The following MVB12B variants were observed in gnomAD, a reference collection of about 807,000 sequenced individuals.
MVB12B encodes the protein multivesicular body subunit 12B.
A neutral mutation model predicts 41.6 loss-of-function variants in MVB12B; 16 were observed. That is an observed-to-expected ratio of 0.38 (90% CI 0.26 to 0.58). MVB12B has a LOEUF of 0.58. Among genes scored for constraint, MVB12B ranks in the 20% least tolerant of loss-of-function variants. The pLI is 0.62. For synonymous variants in MVB12B, 133 were observed against 139.7 expected (o/e 0.95, Z 0.34); for missense variants, 274 against 380.2 (o/e 0.72, Z 2.32).
At chr9:126,451,257 A>G (rs569479881) in intron 7 of MVB12B, among the ~76,000 whole-genome samples, 21 of 152,354 alleles carry the variant, frequency 1.4e-4, no homozygotes, top group Non-Finnish European at 1.2e-4. Flanking sequence ...AGCCTCATTC[A>G]AGAATTGCAG....
At chr9:126,336,172 A>C (rs904864202) in intron 1 of MVB12B, among the ~76,000 whole-genome samples, 2 of 152,218 alleles carry the variant, frequency 1.3e-5, no homozygotes, top group African/African-American at 4.8e-5. Context: ...TGGTGGAGAG[A>C]GGTCTGAGCT....
At chr9:126,492,193 A>G (rs1005004273) in intron 9 of MVB12B, among the ~76,000 whole-genome samples, 7 of 146,670 alleles carry the variant, frequency 4.8e-5, no homozygotes, top group South Asian at 2.3e-4. Flanking sequence ...ACTATCTAGT[A>G]TGTCTTACAC....
At chr9:126,347,248 G>T (rs1340259135) in intron 2 of MVB12B, among the ~76,000 whole-genome samples, 1 of 152,222 alleles carries the variant, frequency 6.6e-6, no homozygotes, top group Non-Finnish European at 1.5e-5. Flanking sequence ...TTTAGCCCTT[G>T]CCCTGTCCTG....
At chr9:126,328,628 G>A (rs1292688837) in intron 1 of MVB12B, among the ~76,000 whole-genome samples, 1 of 152,182 alleles carries the variant, frequency 6.6e-6, no homozygotes, top group African/African-American at 2.4e-5. Context: ...ATGGCGTGAT[G>A]TAAATGAAAT....
intron 6 of MVB12B, among the ~76,000 whole-genome samples, chr9:126,405,456 T>G (rs1831392539): frequency 6.6e-6 from 1 of 152,088 alleles, no homozygotes; most frequent in African/African-American, 2.4e-5. Context: ...ACCAGACCAT[T>G]TAGAGAAGGA....
intron 7 of MVB12B, among the ~76,000 whole-genome samples, chr9:126,452,603 C>T (rs1278189771): frequency 6.6e-6 from 1 of 152,216 alleles, no homozygotes; most frequent in Non-Finnish European, 1.5e-5. Flanking sequence ...TTCAGCCTCT[C>T]TGTTCTCAGT....
chr9:126,368,215 A>G (rs1288243213), intron 2 of MVB12B, among the ~76,000 whole-genome samples: 1 of 152,238 alleles, frequency 6.6e-6, no homozygotes, highest in African/African-American at 2.4e-5. Flanking sequence ...GCCGAGGCTC[A>G]GAGAGGTTAA....
At chr9:126,358,257 T>C (rs979172489) in intron 2 of MVB12B, among the ~76,000 whole-genome samples, 4 of 152,188 alleles carry the variant, frequency 2.6e-5, no homozygotes, top group Non-Finnish European at 4.4e-5. Context: ...CTTTTAACTT[T>C]ATTCTTTTTC....
At chr9:126,422,183 G>A (rs12002036) in intron 7 of MVB12B, among the ~76,000 whole-genome samples, 37,073 of 152,000 alleles carry the variant, frequency 0.24, 4,712 homozygotes, top group South Asian at 0.27. Context: ...AACAATGTGT[G>A]GATTTCACAG....
chr9:126,359,158 C>T (rs893617643), intron 2 of MVB12B, among the ~76,000 whole-genome samples: 1 of 151,802 alleles, frequency 6.6e-6, no homozygotes. Context: ...ATGTGAGCCA[C>T]CATGCCCAGC....
At chr9:126,477,564 G>T (rs993972713) in intron 7 of MVB12B, among the ~76,000 whole-genome samples, 1 of 152,142 alleles carries the variant, frequency 6.6e-6, no homozygotes, top group African/African-American at 2.4e-5. Flanking sequence ...TGCCTTACAT[G>T]GCAGCAGGCA....
Position 126,391,753 on chromosome 9 carries a change from G to A in MVB12B, c.410-313G>A, listed in dbSNP as rs758683193. Among the ~76,000 whole-genome samples, 3 of 152,224 alleles carry A rather than the reference G, an allele frequency of 2.0e-5. No individual in the cohort carries two copies. The highest frequency in any genetic ancestry group is 7.2e-5 in the African/African-American group (3 of 41,450). On this transcript the variant is annotated intron_variant, in intron 4 of 9. Transcript: ENST00000361171. The surrounding 1 kb of genome is among the most constrained non-coding windows in gnomAD (Gnocchi z 4.4). ...GGTGAAATGTGTTAATGCTCAGGGCGTCAGTGTGCAGGTTTCTGATGGCTG... is the reference window on the plus strand; with the variant it reads ...GGTGAAATGTGTTAATGCTCAGGGCATCAGTGTGCAGGTTTCTGATGGCTG...
At position 126,505,653 on chromosome 9, in the gene MVB12B, CCT is replaced by C. The variant is rs1834049881; in HGVS notation, c.*2391_*2392del. On this transcript the variant is annotated 3_prime_UTR_variant, in exon 10 of 10. Coordinates refer to ENST00000361171, the MANE Select transcript of MVB12B (RefSeq NM_033446.3). ...AGAGGTGGGTGAGGACAAGCATGTGCCTGTGTGTGTGTGTGTGTGTGTGTGTA... is the reference window on the plus strand; with the variant it reads ...AGAGGTGGGTGAGGACAAGCATGTGCGTGTGTGTGTGTGTGTGTGTGTGTA... 2.4e-5 allele frequency: 3 copies of C among 124,938 alleles called. No homozygotes were observed. The highest frequency in any genetic ancestry group is 7.1e-5 in the African/African-American group (2 of 28,138). The allele number at this position is 124,938 out of a possible 1,614,324, so 7.7% of individuals were successfully genotyped here.
Position 126,506,691 on chromosome 9 carries a change from CA to C in MVB12B, c.*3429del, listed in dbSNP as rs1051879129. On this transcript the variant is annotated 3_prime_UTR_variant, in exon 10 of 10. Coordinates refer to ENST00000361171, the MANE Select transcript of MVB12B (RefSeq NM_033446.3). ...CTGGCAGCCACGCAGCGGCTGAGCT[CA>C]TGAACTTGGTTCGCAGCCTGCCTTG... The C allele has an allele frequency of 1.3e-5, 2 of 152,320 alleles. No homozygotes were observed. Among genetic ancestry groups the C allele is most frequent in the African/African-American group, 4.8e-5 (2 of 41,472 alleles). 9.4% of individuals were successfully genotyped at this position (152,320 alleles called of 1,614,324 possible).
chr9:126,405,815 T>C (rs947216424), intron 6 of MVB12B, among the ~76,000 whole-genome samples: 1 of 150,306 alleles, frequency 6.7e-6, no homozygotes, highest in Admixed American at 6.6e-5. Context: ...TTGTTTCCAG[T>C]TGAATAATAA....
In MVB12B at chr9:126,376,517, G is replaced by T. The variant is rs1182338528; in HGVS notation, c.205-4547G>T. 2 of 1,289,290 alleles carry T rather than the reference G, an allele frequency of 1.6e-6. No individual in the cohort carries two copies. The highest frequency in any genetic ancestry group is 2.0e-6 in the Non-Finnish European group (2 of 988,864). The allele number at this position is 1,289,290 out of a possible 1,614,324, so 79.9% of individuals were successfully genotyped here. A position where few individuals can be genotyped will look rare whatever the true frequency, so the allele number is the denominator to read the frequency against. On this transcript the variant is annotated intron_variant, in intron 2 of 9. Coordinates refer to ENST00000361171, the MANE Select transcript of MVB12B (RefSeq NM_033446.3). This position sits in a 1 kb window ranked among gnomAD's most constrained non-coding sequence, Gnocchi z 4.1. ...GCTGGCTGGTGTGCTACACAGTGGG[G>T]CGACGAGCAGGGAGCTGGCTCAGAT... is the stretch of plus-strand genomic sequence containing the variant.
Position 126,392,589 on chromosome 9 carries a change from G to A in MVB12B, c.539+394G>A, listed in dbSNP as rs558480867. Among the ~76,000 whole-genome samples, 11 of 152,358 alleles carry A rather than the reference G, an allele frequency of 7.2e-5. No homozygotes were observed. The South Asian group carries it at 2.3e-3, about 32-fold the overall frequency. ...ATATAAGTGAGGCAAAGGCCGTGCT[G>A]TCACAGAGCTGATGTTCTAAAAGGG... is the stretch of plus-strand genomic sequence containing the variant. On this transcript the variant is annotated intron_variant, in intron 5 of 9. Coordinates refer to ENST00000361171, the MANE Select transcript of MVB12B (RefSeq NM_033446.3). The surrounding 1 kb of genome is among the most constrained non-coding windows in gnomAD (Gnocchi z 4.8).
intron 6 of MVB12B, among the ~76,000 whole-genome samples, chr9:126,413,818 T>TGTGTGTGTGTG (rs1831718935): frequency 9.1e-6 from 1 of 109,390 alleles, no homozygotes; most frequent in South Asian, 3.7e-4. Context: ...ACCCCATTGG[T>TGTGTGTGTGTG]TGTGTGTGTG....
chr9:126,429,219 T>C (rs1400469519), intron 7 of MVB12B, among the ~76,000 whole-genome samples: 6 of 152,204 alleles, frequency 3.9e-5, no homozygotes, highest in African/African-American at 1.4e-4. Flanking sequence ...AACCCTTGTC[T>C]ATCCATCTCC....
Sources: allele counts gnomAD v4.1 joint callset (sites outside exome capture counted in the v4.1 genomes callset), GRCh38; gene constraint gnomAD v4.1.1; non-coding constraint Gnocchi (gnomAD v3.1); transcripts MANE v1.5; gene names NCBI Gene and HGNC (gene_info 2026-07-23, HGNC 2026-07-21).